SLC4A5: variants seen among roughly 807,000 people sequenced by gnomAD.
SLC4A5 encodes solute carrier family 4 member 5.
Under a neutral mutation model 120.4 loss-of-function variants are expected in SLC4A5, and 96 were observed. That is an observed-to-expected ratio of 0.80 (90% CI 0.68 to 0.94). The LOEUF is 0.94. SLC4A5 is among the 40% of genes least tolerant of loss of function. The probability of loss-of-function intolerance (pLI) is 0.00; values close to 1 mark genes in which losing one functional copy is unlikely to be tolerated. For missense variants in SLC4A5, 1,259 were observed against 1,459.5 expected, an observed-to-expected ratio of 0.86 and a Z score of 2.24; for synonymous variants, 550 against 571.1, an observed-to-expected ratio of 0.96 and a Z score of 0.53.
chr2:74,296,335 T>C (rs1418605453), intron 7 of SLC4A5, among the ~76,000 whole-genome samples: 4 of 152,076 alleles, frequency 2.6e-5, no homozygotes, highest in Non-Finnish European at 5.9e-5. Flanking sequence ...AGAATGATCT[T>C]TATCCTTTCT....
intron 20 of SLC4A5, 90 bp downstream of exon 20, chr2:74,241,904 G>T: frequency 1.7e-6 from 2 of 1,181,032 alleles, no homozygotes; most frequent in Non-Finnish European, 2.5e-6. Flanking sequence ...AGTCTGGGAG[G>T]CCATAAGTTG....
chr2:74,265,362 A>G (rs2104054191), intron 8 of SLC4A5, 98 bp from the exon 9 acceptor site: 1 of 1,432,812 alleles, frequency 7.0e-7, no homozygotes, highest in South Asian at 1.3e-5. Context: ...GGTTCATGCT[A>G]TGTATGTGGT....
At chr2:74,273,943 C>T (rs573311870) in intron 8 of SLC4A5, among the ~76,000 whole-genome samples, 1 of 152,216 alleles carries the variant, frequency 6.6e-6, no homozygotes, top group Non-Finnish European at 1.5e-5. Flanking sequence ...GCAGGCAGAT[C>T]CCTTGAGGTC....
chr2:74,313,056 T>A (rs948558982), intron 6 of SLC4A5, among the ~76,000 whole-genome samples: 1 of 151,314 alleles, frequency 6.6e-6, no homozygotes, highest in Non-Finnish European at 1.5e-5. Flanking sequence ...GGTCTTTTTT[T>A]TTTTTTTTTT....
In SLC4A5 at chr2:74,252,200, T is replaced by G. The variant is rs973669865; in HGVS notation, c.1457A>C (p.Glu486Ala). 8.1e-6 allele frequency: 13 copies of G among 1,612,498 alleles called. No homozygotes were observed. Among genetic ancestry groups the G allele is most frequent in the Non-Finnish European group, 1.0e-5 (12 of 1,179,930 alleles). Residue 486 changes from glutamate to alanine, a missense_variant, in exon 16 of 31, where the codon GAG becomes GCG. Coordinates refer to ENST00000394019, the Ensembl canonical transcript of SLC4A5. ...GCACCTTCCTGTCCAGATAAGTTCC[T>G]CCCCGATTTCATGCATGGCTGGCAT...
At chr2:74,234,949 C>G (rs1346477864) in intron 22 of SLC4A5, 152 bp downstream of exon 22, 1 of 623,584 alleles carries the variant, frequency 1.6e-6, no homozygotes, top group Non-Finnish European at 2.8e-6. Context: ...GGACTGGCTC[C>G]TGGGAGCCTG....
intron 25 of SLC4A5, among the ~76,000 whole-genome samples, chr2:74,228,219 C>G (rs1694917651): frequency 6.6e-6 from 1 of 152,232 alleles, no homozygotes; most frequent in South Asian, 2.1e-4. Context: ...TGCCCAGCTT[C>G]TTCCTACCTC....
At chr2:74,289,143 AAAACATTTC>A (rs1331477783) in intron 7 of SLC4A5, among the ~76,000 whole-genome samples, 5 of 152,314 alleles carry the variant, frequency 3.3e-5, no homozygotes, top group Non-Finnish European at 7.4e-5. Flanking sequence ...GTGTGCTTTT[AAAACATTTC>A]AAACATGTTC....
chr2:74,244,673 C>T (rs963461122), intron 19 of SLC4A5, among the ~76,000 whole-genome samples: 1 of 152,046 alleles, frequency 6.6e-6, no homozygotes, highest in Non-Finnish European at 1.5e-5. Flanking sequence ...TCTCAAACTC[C>T]TGGGCTCAAG....
At chr2:74,232,493 T>A in exon 24 of SLC4A5, 1 of 1,613,870 alleles carries the variant, frequency 6.2e-7, no homozygotes. Flanking sequence ...CTGGGGCTGC[T>A]CCCCAGGGGC....
rs548018746 is a variant in SLC4A5, at chr2:74,249,159, T to C, written c.1654-673A>G. ...TAACAATGAAAACTGTCTCTAGATA[T>C]TGTTAAATGTCTCCTGGGGTGAAAA... On this transcript the variant is annotated intron_variant, in intron 17 of 30. Coordinates refer to ENST00000394019, the Ensembl canonical transcript of SLC4A5. 2.0e-4 allele frequency among the ~76,000 whole-genome samples: 30 copies of C among 152,274 alleles called. 2 individuals are homozygous for C. Among genetic ancestry groups the C allele is most frequent in the African/African-American group, 6.3e-4 (26 of 41,536 alleles).
chr2:74,264,317 A>G lies in SLC4A5; in HGVS notation c.563-18T>C. The G allele has an allele frequency of 6.2e-7, 1 of 1,610,786 alleles. No homozygotes were observed. The highest frequency in any genetic ancestry group is 1.1e-5 in the South Asian group (1 of 90,512). On this transcript the variant is annotated intron_variant, in intron 9 of 30. Coordinates refer to ENST00000394019, the Ensembl canonical transcript of SLC4A5. ...GACATCATCTGTGTGGAAAACATAC[A>G]CACCTCATCCCTGTGGGACAGAACA...
intron 15 of SLC4A5, 98 bp from the exon 16 acceptor site, chr2:74,252,486 C>A: frequency 6.9e-7 from 1 of 1,440,858 alleles, no homozygotes. Context: ...GACAAAAATG[C>A]AGAAAATTGT....
At chr2:74,275,702 C>T (rs1015685180) in intron 8 of SLC4A5, among the ~76,000 whole-genome samples, 5 of 152,226 alleles carry the variant, frequency 3.3e-5, no homozygotes, top group African/African-American at 4.8e-5. Flanking sequence ...TTCCTAATCA[C>T]GACAACAGCT....
chr2:74,301,639 G>A lies in SLC4A5; in HGVS notation c.271+2850C>T, dbSNP rs1254111018. 4.6e-5 allele frequency among the ~76,000 whole-genome samples: 7 copies of A among 152,250 alleles called. No homozygotes were observed. In the East Asian group the frequency reaches 1.2e-3, roughly 25 times the overall value. On this transcript the variant is annotated intron_variant, in intron 7 of 30. Transcript: ENST00000394019. ...ATGAGGCAGGTAAAATGATTCTGGC[G>A]CTGTTTTATTTTGACTTCTGCAGGG...
rs1670139044 is a variant in SLC4A5, at chr2:74,232,780, G to C, written c.2596-133C>G. The C allele has an allele frequency of 2.7e-6, 3 of 1,119,784 alleles. No homozygotes were observed. The African/African-American group carries it at 4.8e-5, about 18-fold the overall frequency. The allele number at this position is 1,119,784 out of a possible 1,614,324, so 69.4% of individuals were successfully genotyped here. A position where few individuals can be genotyped will look rare whatever the true frequency, so the allele number is the denominator to read the frequency against. On this transcript the variant is annotated intron_variant, in intron 23 of 30. Transcript: ENST00000394019. ...ACTGAAGGGGCCTGAGGTGCTCCTT[G>C]CAAGGATTGCAGAGGTGGGTGTGTC...
Position 74,305,422 on chromosome 2 carries a change from T to C in SLC4A5, c.80-742A>G, listed in dbSNP as rs556125940. Among the ~76,000 whole-genome samples, 34 of 152,314 alleles carry C rather than the reference T, an allele frequency of 2.2e-4. No homozygotes were observed. The South Asian group carries it at 3.5e-3, about 16-fold the overall frequency. ...TGAGCAGACAGCACACAGAGTTCAA[T>C]ATACCTACCTCGACCCTAATCCTAC... On this transcript the variant is annotated intron_variant, in intron 6 of 30. Coordinates refer to ENST00000394019, the Ensembl canonical transcript of SLC4A5.
intron 12 of SLC4A5, among the ~76,000 whole-genome samples, chr2:74,257,754 T>C (rs895592356): frequency 1.3e-5 from 2 of 152,026 alleles, no homozygotes; most frequent in African/African-American, 4.8e-5. Context: ...ATTTTTGTAT[T>C]TTTGATCGAG....
intron 5 of SLC4A5, among the ~76,000 whole-genome samples, chr2:74,315,413 C>T (rs1573096200): frequency 2.1e-5 from 3 of 141,266 alleles, no homozygotes; most frequent in South Asian, 2.3e-4. Flanking sequence ...GCATACCAGC[C>T]GGGGGAACAG....
Sources: allele counts gnomAD v4.1 joint callset (sites outside exome capture counted in the v4.1 genomes callset), GRCh38; gene constraint gnomAD v4.1.1; transcripts MANE v1.5; gene names NCBI Gene and HGNC (gene_info 2026-07-23, HGNC 2026-07-21).